GVQW3: variants seen among roughly 807,000 people sequenced by gnomAD.
The protein encoded by GVQW3 is protein GVQW3.
In GVQW3, 7 loss-of-function variants were observed where a neutral mutation model predicts 12.5. The observed-to-expected ratio is 0.56, with a 90% CI of 0.32 to 1.05. The LOEUF (loss-of-function observed/expected upper bound fraction) is 1.05, where lower values mean the gene tolerates loss of function less well. Among genes scored for constraint, GVQW3 ranks in the 50% least tolerant of loss-of-function variants. The probability of loss-of-function intolerance (pLI) is 0.04; values close to 1 mark genes in which losing one functional copy is unlikely to be tolerated. For missense variants in GVQW3, 188 were observed against 190.8 expected, an observed-to-expected ratio of 0.99 and a Z score of 0.09; for synonymous variants, 71 against 67.2, an observed-to-expected ratio of 1.06 and a Z score of -0.28.
chr11:76,388,037 T>C lies in GVQW3; in HGVS notation c.465+5744T>C, dbSNP rs1354899635. 2.6e-5 allele frequency among the ~76,000 whole-genome samples: 4 copies of C among 152,146 alleles called. No homozygotes were observed. The East Asian group carries it at 7.7e-4, about 29-fold the overall frequency. ...AAATATTCTGGTTCACAAAATAAAT[T>C]TTGTGCTGTTTTTGACTAAAAATGA... On this transcript the variant is annotated intron_variant, in intron 1 of 1. Transcript: ENST00000529331.
At position 76,403,740 on chromosome 11, in the gene GVQW3, T is replaced by G. The variant is rs1400825642; in HGVS notation, c.546T>G (p.Ala182=). Residue 182 remains alanine, a synonymous_variant, in exon 2 of 2, where the codon GCT becomes GCG. Transcript: ENST00000529331. The part of the protein sequence containing the change: ...QGILPPWPPK[A]LGLSA ...TCCTCCCACCTTGGCCTCCCAAAGC[T>G]CTGGGATTATCAGCATGAGCCACCA... The G allele has an allele frequency of 1.9e-6, 1 of 517,330 alleles. No individual in the cohort carries two copies. The highest frequency in any genetic ancestry group is 3.5e-6 in the Non-Finnish European group (1 of 285,402). The allele number at this position is 517,330 out of a possible 1,614,324, so 32.0% of individuals were successfully genotyped here.
intron 1 of GVQW3, among the ~76,000 whole-genome samples, chr11:76,386,279 A>C (rs1335778687): frequency 1.3e-5 from 2 of 152,226 alleles, no homozygotes; most frequent in Non-Finnish European, 2.9e-5. Flanking sequence ...TAATGATCAA[A>C]AAGAGAAAGA....
intron 1 of GVQW3, among the ~76,000 whole-genome samples, chr11:76,386,123 A>G (rs1946831276): frequency 6.6e-6 from 1 of 152,136 alleles, no homozygotes; most frequent in African/African-American, 2.4e-5. Flanking sequence ...GCTCATTCTA[A>G]TTCAAAGTCC....
chr11:76,407,565 A>C lies in GVQW3; in HGVS notation c.*3807A>C, dbSNP rs1947052858. Reference sequence around the variant, plus strand: ...GCACTCCAGCCTGGGCGGCAGAGCAAGACTCCCTCTCAAAAAAAAAAAAAA... The same window carrying C: ...GCACTCCAGCCTGGGCGGCAGAGCACGACTCCCTCTCAAAAAAAAAAAAAA... On this transcript the variant is annotated 3_prime_UTR_variant, in exon 2 of 2. Transcript: ENST00000529331. The C allele has an allele frequency of 7.4e-6, 1 of 135,744 alleles. No individual in the cohort carries two copies. Among genetic ancestry groups the C allele is most frequent in the South Asian group, 2.5e-4 (1 of 4,034 alleles). The allele number at this position is 135,744 out of a possible 1,614,324, so 8.4% of individuals were successfully genotyped here. A position where few individuals can be genotyped will look rare whatever the true frequency, so the allele number is the denominator to read the frequency against.
chr11:76,414,617 C>CCCAA (rs1947102893), downstream of GVQW3: 1 of 61,170 alleles, frequency 1.6e-5, no homozygotes, highest in Admixed American at 2.0e-4. Context: ...CAATGGTCCC[C>CCCAA]ACAAAAAAAA....
intron 1 of GVQW3, among the ~76,000 whole-genome samples, chr11:76,387,442 A>G (rs956621875): frequency 5.3e-5 from 8 of 152,070 alleles, no homozygotes; most frequent in Non-Finnish European, 1.2e-4. Context: ...AAAGAAAGTT[A>G]GACATTCTTA....
At position 76,407,150 on chromosome 11, in the gene GVQW3, G is replaced by C. The variant is rs1279976480; in HGVS notation, c.*3392G>C. 6 of 152,166 alleles carry C rather than the reference G, an allele frequency of 3.9e-5. No individual in the cohort carries two copies. Among genetic ancestry groups the C allele is most frequent in the African/African-American group, 7.2e-5 (3 of 41,428 alleles). The allele number at this position is 152,166 out of a possible 1,614,324, so 9.4% of individuals were successfully genotyped here. ...AATTACTTAACTTGTGAGACATTAT[G>C]AAAAGGATGCTGGACTTGGTAAAGA... On this transcript the variant is annotated 3_prime_UTR_variant, in exon 2 of 2. Transcript: ENST00000529331.
rs1330252261 is a variant in GVQW3 at position 76,401,796 on chromosome 11, G to GAAAGA, written c.466-1851_466-1847dup. Among the ~76,000 whole-genome samples, 6 of 143,088 alleles carry GAAAGA rather than the reference G, an allele frequency of 4.2e-5. No homozygotes were observed. The East Asian group carries it at 8.3e-4, about 20-fold the overall frequency. The allele number at this position is 143,088 out of a possible 152,430, so 93.9% of individuals were successfully genotyped here. A position where few individuals can be genotyped will look rare whatever the true frequency, so the allele number is the denominator to read the frequency against. On this transcript the variant is annotated intron_variant, in intron 1 of 1. Coordinates refer to ENST00000529331, the MANE Select transcript of GVQW3 (RefSeq NM_001347885.2). ...CTCAAAAAAAAAAAAAAAAAAGAAA[G>GAAAGA]AAAGAAAAGAAAAGAAAGAATTTAT...
Position 76,381,895 on chromosome 11 carries a change from A to G in GVQW3, c.67A>G (p.Ser23Gly), listed in dbSNP as rs887665693. Residue 23 changes from serine to glycine, a missense_variant, in exon 1 of 2, where the codon AGT (serine) becomes GGT (glycine). Physicochemically the swap from Ser to Gly is moderately conservative, Grantham distance 56. Transcript: ENST00000529331. Reference sequence around the variant, plus strand: ...TTGCGTGAAATTGAACAAGTCTGCAAGTGAGACCCACCATCTTTTAAAAGA... The same window carrying G: ...TTGCGTGAAATTGAACAAGTCTGCAGGTGAGACCCACCATCTTTTAAAAGA... ...KFCVKLNKSA[S>G]ETHHLLKEAY... is the part of the protein sequence containing the mutation. The G allele has an allele frequency of 4.6e-6, 7 of 1,536,534 alleles. No individual in the cohort carries two copies. The highest frequency in any genetic ancestry group is 2.0e-5 in the Admixed American group (1 of 50,974).
At chr11:76,389,279 A>G (rs1946868053) in intron 1 of GVQW3, among the ~76,000 whole-genome samples, 1 of 152,244 alleles carries the variant, frequency 6.6e-6, no homozygotes, top group Non-Finnish European at 1.5e-5. Context: ...GGGTAGTTGG[A>G]TTATGGGTTT....
At chr11:76,408,715 G>C (rs1947063203), downstream of GVQW3, 1 of 152,228 alleles carries the variant, frequency 6.6e-6, no homozygotes, top group Non-Finnish European at 1.5e-5. Flanking sequence ...TCTCCATCTG[G>C]GGGATGGTAA....
rs1374059053 is a variant in GVQW3 at position 76,404,036 on chromosome 11, G to A, written c.*278G>A. The A allele has an allele frequency of 3.5e-6, 2 of 579,320 alleles. No homozygotes were observed. Among genetic ancestry groups the A allele is most frequent in the East Asian group, 3.0e-5 (1 of 32,806 alleles). 35.9% of individuals were successfully genotyped at this position (579,320 alleles called of 1,614,324 possible). A position where few individuals can be genotyped will look rare whatever the true frequency, so the allele number is the denominator to read the frequency against. On this transcript the variant is annotated 3_prime_UTR_variant, in exon 2 of 2. Transcript: ENST00000529331. Reference sequence around the variant, plus strand: ...GGAAACATCCCCACAGACACACCCAGAAATAATGTTTTCCCATCTATCTCA... The same window carrying A: ...GGAAACATCCCCACAGACACACCCAAAAATAATGTTTTCCCATCTATCTCA...
intron 1 of GVQW3, among the ~76,000 whole-genome samples, chr11:76,387,262 C>T (rs1331117036): frequency 6.6e-6 from 1 of 151,788 alleles, no homozygotes; most frequent in African/African-American, 2.4e-5. Flanking sequence ...ATGGTAAAAC[C>T]TCATCTCTAC....
At chr11:76,408,957 C>T (rs1947064447), downstream of GVQW3, among the ~76,000 whole-genome samples, 3 of 152,306 alleles carry the variant, frequency 2.0e-5, no homozygotes. Context: ...TTCCTAGCAT[C>T]TCTATCACAT....
exon 2 of GVQW3, chr11:76,414,455 A>T (rs1947101850): frequency 6.6e-6 from 1 of 151,984 alleles, no homozygotes; most frequent in Non-Finnish European, 1.5e-5. Flanking sequence ...TACAGGCCCC[A>T]GTTTTCGTGA....
rs1191670033 is a variant in GVQW3 at position 76,382,214 on chromosome 11, A to G, written c.386A>G (p.Glu129Gly). 6.5e-7 allele frequency: 1 copy of G among 1,536,166 alleles called. No individual in the cohort carries two copies. Among genetic ancestry groups the G allele is most frequent in the South Asian group, 1.2e-5 (1 of 84,068 alleles). ...AKVISGVLKG[E>G]PKPRKLDFRS... is the part of the protein sequence containing the mutation. ...GTTATTTCGGGTGTTTTGAAGGGTG[A>G]GCCTAAACCACGAAAACTTGACTTT... Residue 129 changes from glutamate to glycine, a missense_variant, in exon 1 of 2, where the codon GAG becomes GGG. By Grantham distance (98) the Glu-to-Gly change is moderately conservative. Transcript: ENST00000529331.
At chr11:76,400,006 TACAC>T (rs60192043) in intron 1 of GVQW3, among the ~76,000 whole-genome samples, 9,137 of 140,364 alleles carry the variant, frequency 0.065, 567 homozygotes, top group African/African-American at 0.17. Flanking sequence ...TCTCTCTGTA[TACAC>T]ACACACACAC....
At chr11:76,392,586 A>G (rs929163254) in intron 1 of GVQW3, 2 of 152,238 alleles carry the variant, frequency 1.3e-5, no homozygotes, top group African/African-American at 4.8e-5. Context: ...ACTAAAATGT[A>G]CATTCTTATG....
At position 76,381,923 on chromosome 11, in the gene GVQW3, CT is replaced by C. The variant is rs1345875701; in HGVS notation, c.97del (p.Tyr33MetfsTer56). The C allele has an allele frequency of 6.5e-7, 1 of 1,536,378 alleles. No homozygotes were observed. The highest frequency in any genetic ancestry group is 8.7e-7 in the Non-Finnish European group (1 of 1,146,970). ...GAGACCCACCATCTTTTAAAAGAAG[CT>C]TATGGGGATGAAGTCATGTCAAGGG... ...ASETHHLLKE[A>X]YGDEVMSRAR... On this transcript the variant is annotated frameshift_variant, in exon 1 of 2. Coordinates refer to ENST00000529331, the MANE Select transcript of GVQW3 (RefSeq NM_001347885.2). LOFTEE classifies it high-confidence loss of function.
Sources: gnomAD v4.1 joint callset for allele counts (sites outside exome capture counted in the v4.1 genomes callset) on GRCh38, gnomAD v4.1.1 for gene constraint, MANE v1.5 for transcripts, NCBI Gene and HGNC (gene_info 2026-07-23, HGNC 2026-07-21) for gene names.